Variants in WDR27 observed in about 807,000 individuals in gnomAD.
WDR27 encodes WD repeat-containing protein 27.
A neutral mutation model predicts 114.4 loss-of-function variants in WDR27; 100 were observed. That is an observed-to-expected ratio of 0.87 (90% CI 0.74 to 1.03). The LOEUF (loss-of-function observed/expected upper bound fraction) is 1.03, where lower values mean the gene tolerates loss of function less well. Ranked by LOEUF, WDR27 falls within the 50% of genes least tolerant of loss-of-function variation. The pLI is 0.00. For missense variants in WDR27, 1,129 were observed against 1,092.9 expected, an observed-to-expected ratio of 1.03 and a Z score of -0.47; for synonymous variants, 449 against 423.1, an observed-to-expected ratio of 1.06 and a Z score of -0.75.
intron 2 of WDR27, 53 bp from the exon 3 acceptor site, chr6:169,672,449 G>T: frequency 6.8e-7 from 1 of 1,476,658 alleles, no homozygotes; most frequent in Non-Finnish European, 9.1e-7. Flanking sequence ...AAAAATAAGA[G>T]TATAACAACA....
intron 25 of WDR27, among the ~76,000 whole-genome samples, chr6:169,484,763 C>A (rs559984339): frequency 2.0e-5 from 3 of 152,330 alleles, no homozygotes; most frequent in East Asian, 3.9e-4. Flanking sequence ...TATTACCTAA[C>A]TTCAAACTAT....
Position 169,617,706 on chromosome 6 carries a change from C to T in WDR27, c.2224-4050G>A, listed in dbSNP as rs574751388. On this transcript the variant is annotated intron_variant, in intron 21 of 25. Transcript: ENST00000448612. ...ACCCTAATCTTATTATGCAAATGGACTTTCTACTTGGCCAGCGCCATCTTG... is the reference window on the plus strand; with the variant it reads ...ACCCTAATCTTATTATGCAAATGGATTTTCTACTTGGCCAGCGCCATCTTG... 1.0e-3 allele frequency among the ~76,000 whole-genome samples: 152 copies of T among 152,256 alleles called. 1 individual carries two copies. The highest frequency in any genetic ancestry group is 3.2e-3 in the African/African-American group (132 of 41,554).
At chr6:169,469,896 C>A (rs944086149) in intron 25 of WDR27, among the ~76,000 whole-genome samples, 1 of 152,174 alleles carries the variant, frequency 6.6e-6, no homozygotes, top group Non-Finnish European at 1.5e-5. Flanking sequence ...TGTTTTTTAG[C>A]CACACCCTTA....
intron 21 of WDR27, among the ~76,000 whole-genome samples, chr6:169,625,541 G>C (rs995793636): frequency 6.6e-6 from 1 of 152,244 alleles, no homozygotes; most frequent in African/African-American, 2.4e-5. Flanking sequence ...CATCTTCTGA[G>C]AGCCCTGGGC....
chr6:169,601,724 A>G (rs1808021190), intron 23 of WDR27, among the ~76,000 whole-genome samples: 1 of 152,232 alleles, frequency 6.6e-6, no homozygotes, highest in Non-Finnish European at 1.5e-5. Flanking sequence ...AAGCCTTTTA[A>G]AATAGATTAT....
intron 25 of WDR27, among the ~76,000 whole-genome samples, chr6:169,494,830 C>G (rs1396778770): frequency 6.6e-6 from 1 of 152,138 alleles, no homozygotes; most frequent in African/African-American, 2.4e-5. Flanking sequence ...TATTTTGTCT[C>G]AAGCTCCAGT....
intron 25 of WDR27, among the ~76,000 whole-genome samples, chr6:169,571,811 C>G (rs143582986): frequency 9.5e-4 from 144 of 152,162 alleles, no homozygotes; most frequent in Middle Eastern, 3.4e-3. Flanking sequence ...GGACTCCAGC[C>G]TGGGTGACAG....
intron 25 of WDR27, among the ~76,000 whole-genome samples, chr6:169,473,497 G>C (rs1786708354): frequency 6.6e-6 from 1 of 151,962 alleles, no homozygotes; most frequent in Non-Finnish European, 1.5e-5. Context: ...CCTAGAATGA[G>C]AAAAAAGGAA....
chr6:169,662,236 C>T (rs1161346032), intron 9 of WDR27, 68 bp downstream of exon 9: 35 of 1,558,544 alleles, frequency 2.2e-5, no homozygotes, highest in Non-Finnish European at 3.1e-5. Context: ...AGAAAATGAA[C>T]CTAATGTTCA....
chr6:169,486,153 GT>G (rs566399786), intron 25 of WDR27, among the ~76,000 whole-genome samples: 2,013 of 144,502 alleles, frequency 0.014, 41 homozygotes, highest in African/African-American at 0.046. Context: ...ACTTAAAAAG[GT>G]TTTTTTTTTT....
At chr6:169,695,081 T>C (rs1785522902) in intron 1 of WDR27, among the ~76,000 whole-genome samples, 1 of 152,112 alleles carries the variant, frequency 6.6e-6, no homozygotes, top group Non-Finnish European at 1.5e-5. Flanking sequence ...ACAACAAAAA[T>C]AGTAATGCTT....
chr6:169,461,535 A>G (rs1465439354), intron 25 of WDR27, among the ~76,000 whole-genome samples: 11 of 152,264 alleles, frequency 7.2e-5, no homozygotes, highest in African/African-American at 2.6e-4. Flanking sequence ...AAGAAATAAT[A>G]AGAAAATCAG....
intron 25 of WDR27, among the ~76,000 whole-genome samples, chr6:169,521,927 G>A (rs1424513314): frequency 6.6e-6 from 1 of 151,846 alleles, no homozygotes; most frequent in Non-Finnish European, 1.5e-5. Context: ...AGCAAAGAGA[G>A]GGGTTACAAA....
At chr6:169,623,639 T>C (rs2128203043) in intron 21 of WDR27, among the ~76,000 whole-genome samples, 1 of 152,220 alleles carries the variant, frequency 6.6e-6, no homozygotes, top group African/African-American at 2.4e-5. Context: ...TGGGGGAGCA[T>C]CAACAACCCA....
the WDR27 span, among the ~76,000 whole-genome samples, chr6:169,427,247 T>C: frequency 8.5e-5 from 13 of 152,132 alleles, no homozygotes; most frequent in Non-Finnish European, 1.9e-4. Context: ...CTACCTGCGC[T>C]CTGAAAGAAG....
intron 15 of WDR27, 89 bp downstream of exon 15, chr6:169,649,109 T>C (rs1282431103): frequency 9.2e-7 from 1 of 1,083,562 alleles, no homozygotes; most frequent in Non-Finnish European, 1.4e-6. Flanking sequence ...CATATAAGGT[T>C]TTATATCTGT....
At chr6:169,678,163 G>A (rs185672831) in intron 2 of WDR27, among the ~76,000 whole-genome samples, 16 of 152,346 alleles carry the variant, frequency 1.1e-4, no homozygotes, top group Admixed American at 1.0e-3. Context: ...TATTCCAGCA[G>A]CTTACACCCT....
chr6:169,481,671 C>T (rs1260590918), intron 25 of WDR27, among the ~76,000 whole-genome samples: 1 of 152,188 alleles, frequency 6.6e-6, no homozygotes, highest in Non-Finnish European at 1.5e-5. Context: ...CAAAGGTCTG[C>T]AGCTTCACTT....
chr6:169,596,644 T>C (rs2494675), intron 23 of WDR27, among the ~76,000 whole-genome samples: 142,746 of 151,968 alleles, frequency 0.94, 67,116 homozygotes, highest in East Asian at 0.99. Context: ...CTGTGATATC[T>C]AGAAGTTGTA....
Sources: gnomAD v4.1 joint callset for allele counts (sites outside exome capture counted in the v4.1 genomes callset) on GRCh38, gnomAD v4.1.1 for gene constraint, MANE v1.5 for transcripts, NCBI Gene and HGNC (gene_info 2026-07-23, HGNC 2026-07-21) for gene names.